HEATR5A: variants seen among roughly 807,000 people sequenced by gnomAD.
HEATR5A encodes the protein HEAT repeat containing 5A.
A neutral mutation model predicts 218.8 loss-of-function variants in HEATR5A; 178 were observed. The observed-to-expected ratio is 0.81, with a 90% CI of 0.72 to 0.92. The LOEUF (loss-of-function observed/expected upper bound fraction) is 0.92, where lower values mean the gene tolerates loss of function less well. HEATR5A is among the 40% of genes least tolerant of loss of function. The probability of loss-of-function intolerance (pLI) is 0.00; values close to 1 mark genes in which losing one functional copy is unlikely to be tolerated. For synonymous variants in HEATR5A, 864 were observed against 871.6 expected (o/e 0.99, Z 0.15); for missense variants, 2,420 against 2,418.9 (o/e 1.00, Z -0.01).
rs1216996111 is a variant in HEATR5A, at chr14:31,292,532, T to C, written c.*773A>G. 6.6e-6 allele frequency: 1 copy of C among 152,188 alleles called. No homozygotes were observed. The highest frequency in any genetic ancestry group is 2.4e-5 in the African/African-American group (1 of 41,460). 9.4% of individuals were successfully genotyped at this position (152,188 alleles called of 1,614,324 possible). ...CCTAAATAGCTCTCCAATCATTTTA[T>C]CTTCTTGGAGAAATCAGAGAAAGTT... On this transcript the variant is annotated 3_prime_UTR_variant, in exon 36 of 36. Coordinates refer to ENST00000543095, the MANE Select transcript of HEATR5A (RefSeq NM_015473.4).
In HEATR5A at chr14:31,400,447, T is replaced by G; in HGVS notation, c.192A>C (p.Pro64=). ...EQLLSLLNSS[P]GPPTRKLLAK... ...CAAGCAGTTTGCGGGTAGGAGGCCCTGGGGAGCTGTTCAACAAAGACAGGA... is the reference window on the plus strand; with the variant it reads ...CAAGCAGTTTGCGGGTAGGAGGCCCGGGGGAGCTGTTCAACAAAGACAGGA... The change falls in exon 3 of 36, where the codon CCA becomes CCC. Residue 64 remains proline (P), a synonymous_variant. Transcript: ENST00000543095. The G allele has an allele frequency of 6.5e-7, 1 of 1,535,998 alleles. No individual in the cohort carries two copies.
chr14:31,369,621 A>G (rs1201279944), intron 13 of HEATR5A, among the ~76,000 whole-genome samples: 1 of 149,288 alleles, frequency 6.7e-6, no homozygotes. Context: ...AAAAAAAAAA[A>G]AAAAAAAAAA....
intron 27 of HEATR5A, among the ~76,000 whole-genome samples, chr14:31,314,377 C>T (rs555188628): frequency 2.1e-4 from 32 of 152,152 alleles, no homozygotes; most frequent in Admixed American, 3.9e-4. Context: ...CTCAGCCTTC[C>T]GAGTAGCTGG....
At chr14:31,302,767 G>C (rs914124339) in intron 32 of HEATR5A, 14 of 406,518 alleles carry the variant, frequency 3.4e-5, no homozygotes, top group Non-Finnish European at 5.7e-5. Context: ...TGCTTATGCT[G>C]TTTTTGTTTT....
chr14:31,363,638 AT>A (rs1401563491), intron 14 of HEATR5A, among the ~76,000 whole-genome samples: 2 of 152,108 alleles, frequency 1.3e-5, no homozygotes. Flanking sequence ...GATATAATAG[AT>A]ACAATTTCTA....
intron 10 of HEATR5A, among the ~76,000 whole-genome samples, chr14:31,382,371 C>T (rs1374107519): frequency 6.6e-6 from 1 of 152,160 alleles, no homozygotes; most frequent in African/African-American, 2.4e-5. Flanking sequence ...AGAGCCTACA[C>T]TATGGTGGAT....
chr14:31,404,844 G>A (rs35330064), intron 1 of HEATR5A, among the ~76,000 whole-genome samples: 40,970 of 151,624 alleles, frequency 0.27, 6,889 homozygotes, highest in Non-Finnish European at 0.38. Flanking sequence ...AGCCAGAGAG[G>A]TGGAGGCTTC....
chr14:31,366,487 A>G (rs1901808557), intron 13 of HEATR5A, among the ~76,000 whole-genome samples: 2 of 152,202 alleles, frequency 1.3e-5, no homozygotes, highest in East Asian at 3.8e-4. Flanking sequence ...AATTTAGTTC[A>G]GAGAAGTGTA....
At chr14:31,380,643 G>A (rs1190771004) in intron 10 of HEATR5A, 65 bp from the exon 11 acceptor site, 2 of 963,172 alleles carry the variant, frequency 2.1e-6, no homozygotes, top group Non-Finnish European at 3.2e-6. Flanking sequence ...AATGATAGCA[G>A]CTAACAATAT....
At chr14:31,324,544 G>A (rs140447617) in intron 23 of HEATR5A, among the ~76,000 whole-genome samples, 47 of 152,210 alleles carry the variant, frequency 3.1e-4, no homozygotes, top group African/African-American at 1.1e-3. Flanking sequence ...TTCCTGAGAA[G>A]GTATGGAGCC....
At chr14:31,380,082 A>C (rs2029920857) in intron 11 of HEATR5A, among the ~76,000 whole-genome samples, 1 of 152,212 alleles carries the variant, frequency 6.6e-6, no homozygotes. Flanking sequence ...ATCCTCAAAC[A>C]ATTATAGAAC....
chr14:31,378,458 C>T (rs2029870421), intron 11 of HEATR5A, among the ~76,000 whole-genome samples: 1 of 152,188 alleles, frequency 6.6e-6, no homozygotes, highest in Non-Finnish European at 1.5e-5. Context: ...TGAAGCTAAA[C>T]TTGATCTAGT....
At chr14:31,369,114 T>C (rs1458737950) in intron 13 of HEATR5A, among the ~76,000 whole-genome samples, 1 of 151,788 alleles carries the variant, frequency 6.6e-6, no homozygotes, top group Non-Finnish European at 1.5e-5. Flanking sequence ...CTAGGCAACA[T>C]AGTGAGGCCC....
chr14:31,341,143 T>G (rs562317999), intron 21 of HEATR5A, among the ~76,000 whole-genome samples: 1 of 152,184 alleles, frequency 6.6e-6, no homozygotes, highest in African/African-American at 2.4e-5. Flanking sequence ...TAGTGATAAT[T>G]TTTGACTATG....
chr14:31,326,391 C>T lies in HEATR5A; in HGVS notation c.3368-49G>A, dbSNP rs770521036. On this transcript the variant is annotated intron_variant, in intron 22 of 35. Transcript: ENST00000543095. ...CTAAGTAATACAGAAAACAAAACTA[C>T]CATATCAGAAGCTCACACATTCAGT... 4 of 1,348,634 alleles carry T rather than the reference C, an allele frequency of 3.0e-6. No homozygotes were observed. The South Asian group carries it at 5.2e-5, about 17-fold the overall frequency. 83.5% of individuals were successfully genotyped at this position (1,348,634 alleles called of 1,614,324 possible).
chr14:31,394,587 G>A (rs953764242), intron 5 of HEATR5A, among the ~76,000 whole-genome samples: 5 of 151,960 alleles, frequency 3.3e-5, no homozygotes, highest in South Asian at 2.1e-4. Flanking sequence ...AGGCCAAGGC[G>A]GGCGGATCAC....
At chr14:31,387,426 A>G in intron 7 of HEATR5A, 51 bp from the exon 8 acceptor site, 1 of 1,295,074 alleles carries the variant, frequency 7.7e-7, no homozygotes. Flanking sequence ...TCAATTCTGT[A>G]TTCTCCCCCA....
At chr14:31,349,668 T>C (rs999802909) in intron 18 of HEATR5A, 121 bp downstream of exon 18, 2 of 666,272 alleles carry the variant, frequency 3.0e-6, no homozygotes, top group Non-Finnish European at 5.0e-6. Context: ...AGTCAACATT[T>C]GACAATTTTT....
intron 12 of HEATR5A, among the ~76,000 whole-genome samples, chr14:31,373,885 C>T (rs886934103): frequency 2.0e-5 from 3 of 152,090 alleles, no homozygotes; most frequent in Non-Finnish European, 4.4e-5. Context: ...GGATGAAGAC[C>T]TTTATGATGA....
Sources: gnomAD v4.1 joint callset for allele counts (sites outside exome capture counted in the v4.1 genomes callset) on GRCh38, gnomAD v4.1.1 for gene constraint, MANE v1.5 for transcripts, NCBI Gene and HGNC (gene_info 2026-07-23, HGNC 2026-07-21) for gene names.